The following FBXL13 variants were observed in gnomAD, a reference collection of about 807,000 sequenced individuals.
FBXL13 encodes F-box and leucine rich repeat protein 13.
Under a neutral mutation model 83.6 loss-of-function variants are expected in FBXL13, and 67 were observed. The ratio of observed to expected loss-of-function variants is 0.80; its 90% CI spans 0.66 to 0.98. The LOEUF is 0.98. Ranked by LOEUF, FBXL13 falls within the 50% of genes least tolerant of loss-of-function variation. The pLI, the probability that FBXL13 is intolerant of heterozygous loss-of-function variation, is 0.00. For missense variants in FBXL13, 822 were observed against 866.5 expected (o/e 0.95, Z 0.64); for synonymous variants, 272 against 299.5 (o/e 0.91, Z 0.95).
At chr7:102,975,045 T>TC (rs1281784221) in intron 6 of FBXL13, among the ~76,000 whole-genome samples, 1 of 151,888 alleles carries the variant, frequency 6.6e-6, no homozygotes, top group Non-Finnish European at 1.5e-5. Context: ...TAACCCTCCT[T>TC]CCCCCTTCAA....
intron 17 of FBXL13, among the ~76,000 whole-genome samples, chr7:102,838,459 T>A (rs1040519082): frequency 1.4e-4 from 21 of 150,156 alleles, no homozygotes; most frequent in Non-Finnish European, 1.9e-4. Flanking sequence ...AAAAAAAAAA[T>A]TTTTTTTTTG....
intron 6 of FBXL13, among the ~76,000 whole-genome samples, chr7:103,002,718 A>C (rs1325065064): frequency 6.6e-6 from 1 of 152,196 alleles, no homozygotes; most frequent in Admixed American, 6.5e-5. Flanking sequence ...CAGCAATTTG[A>C]ACATGTTGTC....
intron 6 of FBXL13, among the ~76,000 whole-genome samples, chr7:103,006,131 A>G (rs994798368): frequency 6.6e-6 from 1 of 152,240 alleles, no homozygotes; most frequent in Non-Finnish European, 1.5e-5. Flanking sequence ...GGGGGCGTAT[A>G]TTAGCTACTT....
At chr7:102,835,476 A>G (rs1457038110) in intron 17 of FBXL13, among the ~76,000 whole-genome samples, 1 of 152,188 alleles carries the variant, frequency 6.6e-6, no homozygotes. Context: ...CCCAAACATC[A>G]TATTAGAACA....
At chr7:102,950,182 G>A (rs1384215815) in intron 8 of FBXL13, among the ~76,000 whole-genome samples, 1 of 152,148 alleles carries the variant, frequency 6.6e-6, no homozygotes, top group Non-Finnish European at 1.5e-5. Context: ...GACCTTAACA[G>A]ACACCTCACC....
intron 6 of FBXL13, among the ~76,000 whole-genome samples, chr7:103,020,878 G>C (rs1793076297): frequency 6.6e-6 from 1 of 152,154 alleles, no homozygotes; most frequent in Non-Finnish European, 1.5e-5. Flanking sequence ...TGGATAGGAA[G>C]AATCAATATC....
At chr7:102,967,781 G>T (rs760834871) in intron 7 of FBXL13, among the ~76,000 whole-genome samples, 1 of 152,152 alleles carries the variant, frequency 6.6e-6, no homozygotes, top group African/African-American at 2.4e-5. Flanking sequence ...ATCCAAAAAT[G>T]ATATTCATTT....
chr7:103,001,793 C>T (rs182473525), intron 6 of FBXL13, among the ~76,000 whole-genome samples: 31 of 152,294 alleles, frequency 2.0e-4, no homozygotes, highest in Admixed American at 1.8e-3. Context: ...GCTCTTGGGC[C>T]TTTGGCCACA....
At chr7:103,009,976 GC>G (rs1791423664) in intron 6 of FBXL13, among the ~76,000 whole-genome samples, 1 of 152,178 alleles carries the variant, frequency 6.6e-6, no homozygotes, top group Non-Finnish European at 1.5e-5. Context: ...CAGCCCAGCA[GC>G]CCCACTTCTG....
chr7:102,827,993 G>C (rs1188012587), intron 18 of FBXL13, among the ~76,000 whole-genome samples: 1 of 152,186 alleles, frequency 6.6e-6, no homozygotes, highest in Non-Finnish European at 1.5e-5. Context: ...TAGCCTTGTA[G>C]TATAGTTTGA....
chr7:103,060,037 TATATATATA>T (rs1797726791), intron 1 of FBXL13, among the ~76,000 whole-genome samples: 1 of 93,266 alleles, frequency 1.1e-5, no homozygotes, highest in African/African-American at 4.9e-5. Context: ...TATATATATA[TATATATATA>T]TATATATATA....
In FBXL13 at chr7:102,868,638, T is replaced by C. The variant is rs540707700; in HGVS notation, c.1635+8829A>G. On this transcript the variant is annotated intron_variant, in intron 16 of 19. Transcript: ENST00000313221. ...TACAGATATCTCTTTGACATACTGA[T>C]TTCATTTCCTTTGTGGTTTTTTTGT... is the stretch of plus-strand genomic sequence containing the variant. 3.3e-5 allele frequency among the ~76,000 whole-genome samples: 5 copies of C among 152,150 alleles called. No homozygotes were observed. In the South Asian group the frequency reaches 1.0e-3, roughly 32 times the overall value.
chr7:102,964,937 G>A (rs1036242368), intron 7 of FBXL13, among the ~76,000 whole-genome samples: 1 of 151,950 alleles, frequency 6.6e-6, no homozygotes, highest in East Asian at 1.9e-4. Flanking sequence ...CTGAATTCAG[G>A]GCAAAAAAGC....
intron 10 of FBXL13, among the ~76,000 whole-genome samples, chr7:102,924,877 C>T (rs1457733395): frequency 6.6e-6 from 1 of 152,102 alleles, no homozygotes; most frequent in East Asian, 1.9e-4. Flanking sequence ...GATCCACCCG[C>T]CCCGGCCTCC....
chr7:102,880,731 G>T (rs1241189780), intron 14 of FBXL13, among the ~76,000 whole-genome samples: 1 of 152,042 alleles, frequency 6.6e-6, no homozygotes, highest in East Asian at 1.9e-4. Context: ...CTATTTATTT[G>T]ATCTTAATCT....
intron 11 of FBXL13, among the ~76,000 whole-genome samples, chr7:102,886,775 G>A (rs1024380026): frequency 6.6e-6 from 1 of 152,022 alleles, no homozygotes; most frequent in African/African-American, 2.4e-5. Flanking sequence ...AATAATATGA[G>A]CACCCAGACA....
intron 2 of FBXL13, among the ~76,000 whole-genome samples, chr7:103,045,944 A>G (rs937707362): frequency 1.3e-5 from 2 of 152,178 alleles, no homozygotes; most frequent in African/African-American, 4.8e-5. Context: ...TTCCATTTGA[A>G]GAGAGACCAT....
intron 10 of FBXL13, among the ~76,000 whole-genome samples, chr7:102,915,356 T>C (rs920812689): frequency 1.3e-5 from 2 of 152,204 alleles, no homozygotes; most frequent in Non-Finnish European, 2.9e-5. Context: ...TTGCTACTAC[T>C]ATGTGAAATG....
At chr7:102,949,064 A>G (rs78190508) in intron 8 of FBXL13, among the ~76,000 whole-genome samples, 2,283 of 152,296 alleles carry the variant, frequency 0.015, 53 homozygotes, top group African/African-American at 0.051. Flanking sequence ...TTTTACTGGT[A>G]TAAGGATTAC....
Sources: gnomAD v4.1 joint callset for allele counts (sites outside exome capture counted in the v4.1 genomes callset) on GRCh38, gnomAD v4.1.1 for gene constraint, MANE v1.5 for transcripts, NCBI Gene and HGNC (gene_info 2026-07-23, HGNC 2026-07-21) for gene names.